The following FLNA variants were observed in gnomAD, a reference collection of about 807,000 sequenced individuals.
FLNA encodes the protein filamin-A.
A neutral mutation model predicts 157.6 loss-of-function variants in FLNA; 7 were observed. The ratio of observed to expected loss-of-function variants is 0.04; its 90% CI spans 0.03 to 0.08. FLNA has a LOEUF of 0.08. Among genes scored for constraint, FLNA ranks in the 10% least tolerant of loss-of-function variants. The probability of loss-of-function intolerance (pLI) is 1.00; values close to 1 mark genes in which losing one functional copy is unlikely to be tolerated. For synonymous variants in FLNA, 1,103 were observed against 1,060.8 expected, an observed-to-expected ratio of 1.04 and a Z score of -0.77; for missense variants, 1,750 against 2,398.4, an observed-to-expected ratio of 0.73 and a Z score of 5.65.
intron 12 of FLNA, 28 bp from the exon 13 acceptor site, chrX:154,364,747 G>A (rs2067742525): frequency 1.7e-6 from 2 of 1,205,318 alleles, no homozygotes; most frequent in Non-Finnish European, 2.2e-6. Context: ...TCCCCTCAGT[G>A]CCCTGGAGCC....
Position 154,359,825 on chromosome X carries a change from G to C in FLNA, c.3886C>G (p.Arg1296Gly), listed in dbSNP as rs781816229. Reference protein sequence around the residue: ...TQTGGPHVKARVANPSGNLTE... With the variant: ...TQTGGPHVKAGVANPSGNLTE... ...AGGTTGCCTGAGGGGTTGGCCACACGGGCCTTGACGTGCGGCCCTCCGGTC... is the reference window on the plus strand; with the variant it reads ...AGGTTGCCTGAGGGGTTGGCCACACCGGCCTTGACGTGCGGCCCTCCGGTC... Residue 1296 changes from arginine (R) to glycine (G), a missense_variant, in exon 23 of 48, where the codon CGT becomes GGT. Around this residue, in one of 5 missense-constraint regions of FLNA, gnomAD observed 970 missense variants for 1,302.6 expected, o/e 0.74. Coordinates refer to ENST00000369850, the MANE Select transcript of FLNA (RefSeq NM_001110556.2). 8.3e-7 allele frequency: 1 copy of C among 1,210,828 alleles called. No homozygotes were observed. The highest frequency in any genetic ancestry group is 1.1e-6 in the Non-Finnish European group (1 of 895,134).
Position 154,349,836 on chromosome X carries a change from G to A in FLNA, c.7365C>T (p.Ser2455=), listed in dbSNP as rs199677057. 6 of 1,210,077 alleles carry A rather than the reference G, an allele frequency of 5.0e-6. No homozygotes were observed. Among genetic ancestry groups the A allele is most frequent in the South Asian group, 1.8e-5 (1 of 56,903 alleles). Residue 2455 remains serine, a synonymous_variant, in exon 46 of 48, where the codon AGC becomes AGT. Coordinates refer to ENST00000369850, the MANE Select transcript of FLNA (RefSeq NM_001110556.2). ...CCGACAGGGCACCAGCTCCCGCATTGCTCGTGTTCACGACGAACTCAGCTG... is the reference window on the plus strand; with the variant it reads ...CCGACAGGGCACCAGCTCCCGCATTACTCGTGTTCACGACGAACTCAGCTG... The part of the protein sequence containing the change: ...GNPAEFVVNT[S]NAGAGALSVT...
Position 154,360,606 on chromosome X carries a change from A to G in FLNA, c.3208-19T>C. ...CCTTCACCTGAGGGAAGAAGGGGTC[A>G]GGAGCCAAGGCCACACTATGCCCCG... On this transcript the variant is annotated intron_variant, in intron 21 of 47. Transcript: ENST00000369850. The G allele has an allele frequency of 2.6e-6, 3 of 1,166,827 alleles. No individual in the cohort carries two copies. The highest frequency in any genetic ancestry group is 3.5e-6 in the Non-Finnish European group (3 of 864,605).
Position 154,351,058 on chromosome X carries a change from C to G in FLNA, c.7024-17G>C, listed in dbSNP as rs1557175667. The G allele has an allele frequency of 8.3e-7, 1 of 1,210,996 alleles. No individual in the cohort carries two copies. The highest frequency in any genetic ancestry group is 1.8e-5 in the South Asian group (1 of 56,991). ...CCCTGACTCCTGGAAGCACAGCAGA[C>G]ATGGTTAGATGGGGGTGCTTGAGCC... On this transcript the variant is annotated splice_polypyrimidine_tract_variant and intron_variant, in intron 43 of 47. Transcript: ENST00000369850.
Position 154,364,103 on chromosome X carries a change from G to C in FLNA, c.2199C>G (p.Cys733Trp). The C allele has an allele frequency of 2.5e-6, 3 of 1,210,245 alleles. No homozygotes were observed. Among genetic ancestry groups the C allele is most frequent in the Non-Finnish European group, 3.4e-6 (3 of 894,368 alleles). The change falls in exon 15 of 48, where the codon TGC (cysteine) becomes TGG (tryptophan). Residue 733 changes from cysteine (C) to tryptophan (W), a missense_variant. Physicochemically the swap from Cys to Trp is radical, Grantham distance 215. Coordinates refer to ENST00000369850, the MANE Select transcript of FLNA (RefSeq NM_001110556.2). ...VKDNGNGTYS[C>W]SYVPRKPVKH... Reference sequence around the variant, plus strand: ...TCACCGGCTTCCTGGGCACGTAGGAGCAGCTGTAAGTGCCATTGCCGTTGT... The same window carrying C: ...TCACCGGCTTCCTGGGCACGTAGGACCAGCTGTAAGTGCCATTGCCGTTGT...
rs2067603955 is a variant in FLNA at position 154,349,690 on chromosome X, G to A, written c.7511C>T (p.Pro2504Leu). ...SYLISIKYGG[P>L]YHIGGSPFKA... ...GAAGGGGCTGCCCCCAATGTGGTAG[G>A]GGCCGCCGTACTTGATGGAGATGAG... The change falls in exon 46 of 48, where the codon CCC becomes CTC. Residue 2504 changes from proline to leucine, a missense_variant. Around this residue, in one of 5 missense-constraint regions of FLNA, gnomAD observed 970 missense variants for 1,302.6 expected, o/e 0.74. Coordinates refer to ENST00000369850, the MANE Select transcript of FLNA (RefSeq NM_001110556.2). 1 of 1,210,782 alleles carries A rather than the reference G, an allele frequency of 8.3e-7. No homozygotes were observed. Among genetic ancestry groups the A allele is most frequent in the African/African-American group, 1.7e-5 (1 of 57,579 alleles).
At chrX:154,352,144 G>T in intron 41 of FLNA, 37 bp downstream of exon 41, 1 of 1,209,021 alleles carries the variant, frequency 8.3e-7, no homozygotes, top group East Asian at 3.0e-5. Flanking sequence ...CCTGGCCAAC[G>T]CAGGAGAGCG....
chrX:154,370,650 G>C (rs1557180126), intron 2 of FLNA, among the ~76,000 whole-genome samples: 1 of 112,930 alleles, frequency 8.9e-6, no homozygotes, highest in Non-Finnish European at 1.9e-5. Context: ...CGGCCAGCCG[G>C]GGCGCAGCGG....
Position 154,371,265 on chromosome X carries a change from G to A in FLNA, c.-20C>T. Reference sequence around the variant, plus strand: ...ACTCATTTTGAGGCGCGAGAAGCCGGGGGGGCGGTGCTGCAGCCTCGGCGA... The same window carrying A: ...ACTCATTTTGAGGCGCGAGAAGCCGAGGGGGCGGTGCTGCAGCCTCGGCGA... On this transcript the variant is annotated 5_prime_UTR_variant, in exon 2 of 48. Coordinates refer to ENST00000369850, the MANE Select transcript of FLNA (RefSeq NM_001110556.2). 8.3e-7 allele frequency: 1 copy of A among 1,197,722 alleles called. No individual in the cohort carries two copies. Among genetic ancestry groups the A allele is most frequent in the Non-Finnish European group, 1.1e-6 (1 of 891,413 alleles).
At chrX:154,368,449 G>A (rs1401903084) in intron 2 of FLNA, among the ~76,000 whole-genome samples, 2 of 112,466 alleles carry the variant, frequency 1.8e-5, no homozygotes, top group African/African-American at 6.5e-5. Context: ...GCCAGAGCAG[G>A]GGTCCGCCAC....
At chrX:154,370,836 C>A (rs2067800877) in intron 2 of FLNA, 37 bp downstream of exon 2, 1 of 1,198,250 alleles carries the variant, frequency 8.3e-7, no homozygotes, top group Non-Finnish European at 1.1e-6. Flanking sequence ...ACGGAGTCCC[C>A]GCCCCCGCCC....
intron 1 of FLNA, among the ~76,000 whole-genome samples, chrX:154,373,091 G>T (rs2067820144): frequency 8.9e-6 from 1 of 111,924 alleles, no homozygotes; most frequent in South Asian, 3.7e-4. Flanking sequence ...GGGAGCTGGG[G>T]TGGAGGTGGG....
intron 1 of FLNA, among the ~76,000 whole-genome samples, chrX:154,371,662 C>T (rs1200134881): frequency 8.8e-6 from 1 of 113,310 alleles, no homozygotes; most frequent in African/African-American, 3.2e-5. Flanking sequence ...CGCGGGACTG[C>T]TTGGCCTGCA....
rs1603361041 is a variant in FLNA at position 154,359,980 on chromosome X, G to A, written c.3805+10C>T. On this transcript the variant is annotated intron_variant, in intron 22 of 47. Coordinates refer to ENST00000369850, the MANE Select transcript of FLNA (RefSeq NM_001110556.2). ...TCCCCCGTCACATACCCCACGGCAG[G>A]GCAACTCACCCTGGCCCTCAATACC... 1.7e-6 allele frequency: 2 copies of A among 1,207,822 alleles called. No individual in the cohort carries two copies. Among genetic ancestry groups the A allele is most frequent in the Admixed American group, 2.2e-5 (1 of 46,120 alleles).
chrX:154,355,192 G>A (rs901358556), intron 30 of FLNA, 120 bp from the exon 31 acceptor site: 88 of 777,596 alleles, frequency 1.1e-4, no homozygotes, highest in Non-Finnish European at 1.5e-4. Context: ...CAGCCAGGCC[G>A]CCAGGCCTCC....
At position 154,361,540 on chromosome X, in the gene FLNA, G is replaced by A; in HGVS notation, c.2975C>T (p.Thr992Ile). Residue 992 changes from threonine (T) to isoleucine (I), a missense_variant, in exon 21 of 48, where the codon ACA becomes ATA. Thr to Ile is a moderately conservative substitution (Grantham distance 89). This residue lies in a region of FLNA where 648 missense variants were observed against 805.8 expected (regional missense o/e 0.80). Coordinates refer to ENST00000369850, the MANE Select transcript of FLNA (RefSeq NM_001110556.2). ...ACCACCAGCACCCTTTGATTTGACT[G>A]TGAACTCCTGGTCTTTGCCAACGTC... The part of the protein sequence containing the change: ...KVDVGKDQEF[T>I]VKSKGAGGQG... The A allele has an allele frequency of 8.3e-7, 1 of 1,211,627 alleles. No homozygotes were observed. The highest frequency in any genetic ancestry group is 1.1e-6 in the Non-Finnish European group (1 of 895,399).
chrX:154,371,281 G>A lies in FLNA; in HGVS notation c.-36C>T, dbSNP rs1057524075. 1 of 1,191,190 alleles carries A rather than the reference G, an allele frequency of 8.4e-7. No individual in the cohort carries two copies. The highest frequency in any genetic ancestry group is 1.1e-6 in the Non-Finnish European group (1 of 888,918). On this transcript the variant is annotated 5_prime_UTR_variant, in exon 2 of 48. Transcript: ENST00000369850. Reference sequence around the variant, plus strand: ...GAGAAGCCGGGGGGGCGGTGCTGCAGCCTCGGCGAGGGGACGGCCCTTTAA... The same window carrying A: ...GAGAAGCCGGGGGGGCGGTGCTGCAACCTCGGCGAGGGGACGGCCCTTTAA...
At position 154,348,999 on chromosome X, in the gene FLNA, C is replaced by T. The variant is rs782372740; in HGVS notation, c.7794G>A (p.Arg2598=). The part of the protein sequence containing the change: ...NMLLVGVHGP[R]TPCEEILVKH... Reference sequence around the variant, plus strand: ...TCACCAGGATCTCCTCGCAGGGGGTCCTTGGGCCATGAACCCCCACCAGCA... The same window carrying T: ...TCACCAGGATCTCCTCGCAGGGGGTTCTTGGGCCATGAACCCCCACCAGCA... The change falls in exon 48 of 48, where the codon AGG becomes AGA. Residue 2598 remains arginine (R), a synonymous_variant. Transcript: ENST00000369850. The T allele has an allele frequency of 9.1e-6, 11 of 1,211,253 alleles. No individual in the cohort carries two copies. The highest frequency in any genetic ancestry group is 1.2e-5 in the Non-Finnish European group (11 of 895,280).
At position 154,349,399 on chromosome X, in the gene FLNA, G is replaced by A; in HGVS notation, c.7719C>T (p.Gly2573=). Residue 2573 remains glycine, a synonymous_variant, in exon 47 of 48, where the codon GGC becomes GGT. Transcript: ENST00000369850. ...KGLGLSKAYV[G]QKSSFTVDCS... is the part of the protein sequence containing the mutation. ...AGTCTACTGTGAAGCTGCTCTTCTG[G>A]CCTACGTAGGCCTTGCTCAGCCCCA... is the stretch of plus-strand genomic sequence containing the variant. 4 of 1,211,707 alleles carry A rather than the reference G, an allele frequency of 3.3e-6. No homozygotes were observed. The highest frequency in any genetic ancestry group is 4.5e-6 in the Non-Finnish European group (4 of 895,403).
Sources: gnomAD v4.1 joint callset for allele counts (sites outside exome capture counted in the v4.1 genomes callset) on GRCh38, gnomAD v4.1.1 for gene constraint, gnomAD v4.1.1 regional missense constraint, MANE v1.5 for transcripts, NCBI Gene and HGNC (gene_info 2026-07-23, HGNC 2026-07-21) for gene names.